The following GRM6 variants were observed in gnomAD, a reference collection of about 807,000 sequenced individuals.
GRM6 encodes the protein glutamate metabotropic receptor 6, also known as metabotropic glutamate receptor 6.
In GRM6, 73 loss-of-function variants were observed where a neutral mutation model predicts 78.4. That is an observed-to-expected ratio of 0.93 (90% CI 0.77 to 1.13). The LOEUF is 1.13. GRM6 is among the 50% of genes most tolerant of loss of function. GRM6 has a pLI of 0.00. For missense variants in GRM6, 1,251 were observed against 1,256.4 expected, an observed-to-expected ratio of 1.00 and a Z score of 0.07; for synonymous variants, 580 against 555.0, an observed-to-expected ratio of 1.05 and a Z score of -0.63.
chr5:178,988,536 G>A lies in GRM6; in HGVS notation c.1354+399C>T, dbSNP rs558170190. ...GGTCAGACCCACGCCTGTGCCTGGCGCATGACTCAGAGTGGGCGGCATGTC... is the reference window on the plus strand; with the variant it reads ...GGTCAGACCCACGCCTGTGCCTGGCACATGACTCAGAGTGGGCGGCATGTC... On this transcript the variant is annotated intron_variant, in intron 7 of 10. Coordinates refer to ENST00000517717, the MANE Select transcript of GRM6 (RefSeq NM_000843.4). This position sits in a 1 kb window ranked among gnomAD's most constrained non-coding sequence, Gnocchi z 6.0. 5.3e-5 allele frequency among the ~76,000 whole-genome samples: 8 copies of A among 152,278 alleles called. No homozygotes were observed. In the East Asian group the frequency reaches 7.7e-4, roughly 15 times the overall value.
chr5:178,984,659 G>A (rs1281934454), intron 9 of GRM6, among the ~76,000 whole-genome samples: 3 of 152,172 alleles, frequency 2.0e-5, no homozygotes, highest in African/African-American at 7.2e-5. Flanking sequence ...CACCTTCTCA[G>A]GATGTGCGGC....
chr5:178,994,753 C>A lies in GRM6; in HGVS notation c.192G>T (p.Gln64His). The change falls in exon 2 of 11, where the codon CAG (glutamine) becomes CAT (histidine). Residue 64 changes from glutamine to histidine, a missense_variant. By Grantham distance (24) the Gln-to-His change is conservative. Coordinates refer to ENST00000517717, the MANE Select transcript of GRM6 (RefSeq NM_000843.4). ...GCATGGCCTCCAGCCGGTGCACGCCCTGCTCCTTCTTCAGCTGCCCGCACG... is the reference window on the plus strand; with the variant it reads ...GCATGGCCTCCAGCCGGTGCACGCCATGCTCCTTCTTCAGCTGCCCGCACG... Reference protein sequence around the residue: ...GRACGQLKKEQGVHRLEAMLY... With the variant: ...GRACGQLKKEHGVHRLEAMLY... The A allele has an allele frequency of 7.1e-7, 1 of 1,417,096 alleles. No individual in the cohort carries two copies. Among genetic ancestry groups the A allele is most frequent in the African/African-American group, 1.5e-5 (1 of 67,314 alleles). The allele number at this position is 1,417,096 out of a possible 1,614,324, so 87.8% of individuals were successfully genotyped here. A position where few individuals can be genotyped will look rare whatever the true frequency, so the allele number is the denominator to read the frequency against.
Position 178,994,703 on chromosome 5 carries a change from G to T in GRM6, c.242C>A (p.Ala81Asp). The stretch of plus-strand genomic sequence containing the variant: ...CACGCCGGGCAGCAGCTCGGGGTCG[G>T]CGTTGACGCGGTCCAGCGCGTACAG... Reference protein sequence around the residue: ...AMLYALDRVNADPELLPGVRL... With the variant: ...AMLYALDRVNDDPELLPGVRL... Residue 81 changes from alanine (A) to aspartate (D), a missense_variant, in exon 2 of 11, where the codon GCC (alanine) becomes GAC (aspartate). Physicochemically the swap from Ala to Asp is moderately radical, Grantham distance 126. Transcript: ENST00000517717. The T allele has an allele frequency of 6.8e-7, 1 of 1,469,424 alleles. No individual in the cohort carries two copies. Among genetic ancestry groups the T allele is most frequent in the Non-Finnish European group, 9.0e-7 (1 of 1,113,310 alleles). 91.0% of individuals were successfully genotyped at this position (1,469,424 alleles called of 1,614,324 possible). A position where few individuals can be genotyped will look rare whatever the true frequency, so the allele number is the denominator to read the frequency against.
rs1426832122 is a variant in GRM6 at position 178,992,799 on chromosome 5, G to C, written c.505-716C>G. Among the ~76,000 whole-genome samples the C allele has an allele frequency of 6.6e-6, 1 of 152,048 alleles. No homozygotes were observed. Among genetic ancestry groups the C allele is most frequent in the Non-Finnish European group, 1.5e-5 (1 of 68,002 alleles). ...GAAGGAGGGAGGGGGGCTGGTCCAG[G>C]GTTGTTTGAAGCAGGATAGAAAGTA... On this transcript the variant is annotated intron_variant, in intron 2 of 10. Coordinates refer to ENST00000517717, the MANE Select transcript of GRM6 (RefSeq NM_000843.4). The surrounding 1 kb of genome is among the most constrained non-coding windows in gnomAD (Gnocchi z 4.9).
At chr5:178,990,127 C>T (rs1371272754) in intron 5 of GRM6, 3 of 222,634 alleles carry the variant, frequency 1.3e-5, no homozygotes, top group East Asian at 2.1e-4. Flanking sequence ...TCAAGGTGTC[C>T]TCGGTCCAGC....
chr5:178,985,477 G>T, intron 9 of GRM6: 1 of 342,292 alleles, frequency 2.9e-6, no homozygotes, highest in Non-Finnish European at 5.7e-6. Flanking sequence ...GCCGAGGTGG[G>T]CGGATCACGA....
At chr5:178,990,255 T>G in intron 5 of GRM6, 1 of 370,232 alleles carries the variant, frequency 2.7e-6, no homozygotes. Context: ...ACCAGGATGG[T>G]ATATTCCGTA....
chr5:178,981,667 G>T lies in GRM6; in HGVS notation c.2624C>A (p.Ala875Asp), dbSNP rs200210006. ...TTCCCACCTGCCCTGCTACTTGTGG[G>T]CCTCTGCATCCTCGCCCTTGGGTGG... ...AAPPKGEDAEAHK is the reference protein window; with the variant it reads ...AAPPKGEDAEDHK Residue 875 changes from alanine to aspartate, a missense_variant, in exon 11 of 11, where the codon GCC becomes GAC. Coordinates refer to ENST00000517717, the MANE Select transcript of GRM6 (RefSeq NM_000843.4). This position sits in a 1 kb window ranked among gnomAD's most constrained non-coding sequence, Gnocchi z 5.1. 272 of 1,613,308 alleles carry T rather than the reference G, an allele frequency of 1.7e-4. 3 individuals carry two copies. In the Middle Eastern group the frequency reaches 7.6e-3, roughly 45 times the overall value.
At position 178,994,798 on chromosome 5, in the gene GRM6, C is replaced by T; in HGVS notation, c.147G>A (p.Ala49=). 2 of 1,300,342 alleles carry T rather than the reference C, an allele frequency of 1.5e-6. No individual in the cohort carries two copies. The highest frequency in any genetic ancestry group is 2.0e-6 in the Non-Finnish European group (2 of 1,021,054). 80.6% of individuals were successfully genotyped at this position (1,300,342 alleles called of 1,614,324 possible). Residue 49 remains alanine, a synonymous_variant, in exon 2 of 11, where the codon GCG becomes GCA. Transcript: ENST00000517717. ...CGCACGCCCGGCCCGCCGCGCCCCG[C>T]GCGTGCACCGGGAACAGGCCGCCCA... ...LTLGGLFPVH[A]RGAAGRACGQ...
rs940109624 is a variant in GRM6 at position 178,987,103 on chromosome 5, G to A, written c.1355-120C>T. The A allele has an allele frequency of 3.8e-6, 4 of 1,046,284 alleles. No homozygotes were observed. In the African/African-American group the frequency reaches 6.3e-5, roughly 16 times the overall value. The allele number at this position is 1,046,284 out of a possible 1,614,324, so 64.8% of individuals were successfully genotyped here. A position where few individuals can be genotyped will look rare whatever the true frequency, so the allele number is the denominator to read the frequency against. ...TTAACAAGCATCACTGCTCATAAGGGACGTGCAAATCCAAGCCGCAGGGAG... is the reference window on the plus strand; with the variant it reads ...TTAACAAGCATCACTGCTCATAAGGAACGTGCAAATCCAAGCCGCAGGGAG... On this transcript the variant is annotated intron_variant, in intron 7 of 10. Coordinates refer to ENST00000517717, the MANE Select transcript of GRM6 (RefSeq NM_000843.4).
At position 178,982,942 on chromosome 5, in the gene GRM6, T is replaced by A; in HGVS notation, c.2404A>T (p.Ile802Phe). The stretch of plus-strand genomic sequence containing the variant: ...GCTGACTGGGCAGTGCCAAAGAAGA[T>A]GGGCACGAATGCCAGCCAGATGATG... ...TCIIWLAFVP[I>F]FFGTAQSAEK... The change falls in exon 10 of 11, where the codon ATC becomes TTC. Residue 802 changes from isoleucine to phenylalanine, a missense_variant. Physicochemically the swap from Ile to Phe is conservative, Grantham distance 21. Coordinates refer to ENST00000517717, the MANE Select transcript of GRM6 (RefSeq NM_000843.4). 1.2e-6 allele frequency: 2 copies of A among 1,614,128 alleles called. No homozygotes were observed. The highest frequency in any genetic ancestry group is 1.7e-6 in the Non-Finnish European group (2 of 1,179,990).
In GRM6 at chr5:178,991,689, C is replaced by A. The variant is rs1760677883; in HGVS notation, c.722-130G>T. The A allele has an allele frequency of 1.6e-6, 2 of 1,263,572 alleles. No individual in the cohort carries two copies. The highest frequency in any genetic ancestry group is 1.7e-5 in the Admixed American group (1 of 58,902). The allele number at this position is 1,263,572 out of a possible 1,614,324, so 78.3% of individuals were successfully genotyped here. ...GTGAAGTCTGGCCTGCACCCTCCGC[C>A]AAGCCTGAGGCAGGGCTGAGTCGTC... is the stretch of plus-strand genomic sequence containing the variant. On this transcript the variant is annotated intron_variant, in intron 3 of 10. Coordinates refer to ENST00000517717, the MANE Select transcript of GRM6 (RefSeq NM_000843.4). The surrounding 1 kb of genome is among the most constrained non-coding windows in gnomAD (Gnocchi z 5.0).
intron 9 of GRM6, among the ~76,000 whole-genome samples, chr5:178,984,303 G>A (rs1301684336): frequency 2.0e-5 from 3 of 151,510 alleles, no homozygotes; most frequent in Admixed American, 6.6e-5. Flanking sequence ...CGCCTCACTC[G>A]GAACGGACTC....
rs1033187000 is a variant in GRM6 at position 178,979,263 on chromosome 5, G to A, written c.*2394C>T. 1 of 152,158 alleles carries A rather than the reference G, an allele frequency of 6.6e-6. No homozygotes were observed. Among genetic ancestry groups the A allele is most frequent in the Non-Finnish European group, 1.5e-5 (1 of 68,036 alleles). 9.4% of individuals were successfully genotyped at this position (152,158 alleles called of 1,614,324 possible). The stretch of plus-strand genomic sequence containing the variant: ...CGAAAAAATAAAATAATAACATAAA[G>A]AAATGATCACAGGCAGAAACTGTAT... On this transcript the variant is annotated 3_prime_UTR_variant, in exon 11 of 11. Coordinates refer to ENST00000517717, the MANE Select transcript of GRM6 (RefSeq NM_000843.4).
At chr5:178,984,572 G>A (rs1760471606) in intron 9 of GRM6, among the ~76,000 whole-genome samples, 2 of 152,238 alleles carry the variant, frequency 1.3e-5, no homozygotes, top group Admixed American at 6.5e-5. Flanking sequence ...GAGGAGAGCT[G>A]GGGGTCCCCA....
chr5:178,994,742 C>T lies in GRM6; in HGVS notation c.203G>A (p.Arg68Gln). 2.1e-6 allele frequency: 3 copies of T among 1,451,296 alleles called. No homozygotes were observed. The highest frequency in any genetic ancestry group is 3.1e-5 in the East Asian group (1 of 32,286). 89.9% of individuals were successfully genotyped at this position (1,451,296 alleles called of 1,614,324 possible). Residue 68 changes from arginine to glutamine, a missense_variant, in exon 2 of 11, where the codon CGG becomes CAG. Coordinates refer to ENST00000517717, the MANE Select transcript of GRM6 (RefSeq NM_000843.4). ...GQLKKEQGVH[R>Q]LEAMLYALDR... ...CAGCGCGTACAGCATGGCCTCCAGCCGGTGCACGCCCTGCTCCTTCTTCAG... is the reference window on the plus strand; with the variant it reads ...CAGCGCGTACAGCATGGCCTCCAGCTGGTGCACGCCCTGCTCCTTCTTCAG...
At chr5:178,995,094 GT>G in intron 1 of GRM6, 134 bp from the exon 2 acceptor site, 1 of 368,134 alleles carries the variant, frequency 2.7e-6, no homozygotes, top group Non-Finnish European at 4.0e-6. Flanking sequence ...GCTCTGGGGA[GT>G]TAGCTCAGCC....
In GRM6 at chr5:178,994,741, C is replaced by T. The variant is rs1227399991; in HGVS notation, c.204G>A (p.Arg68=). 1 of 1,451,392 alleles carries T rather than the reference C, an allele frequency of 6.9e-7. No individual in the cohort carries two copies. 89.9% of individuals were successfully genotyped at this position (1,451,392 alleles called of 1,614,324 possible). ...CCAGCGCGTACAGCATGGCCTCCAG[C>T]CGGTGCACGCCCTGCTCCTTCTTCA... ...GQLKKEQGVH[R]LEAMLYALDR... Residue 68 remains arginine (R), a synonymous_variant, in exon 2 of 11, where the codon CGG becomes CGA. Coordinates refer to ENST00000517717, the MANE Select transcript of GRM6 (RefSeq NM_000843.4).
In GRM6 at chr5:178,991,310, CG is replaced by C; in HGVS notation, c.857+113del. The C allele has an allele frequency of 7.7e-6, 8 of 1,039,058 alleles. No individual in the cohort carries two copies. The highest frequency in any genetic ancestry group is 1.2e-5 in the Non-Finnish European group (8 of 670,416). 64.4% of individuals were successfully genotyped at this position (1,039,058 alleles called of 1,614,324 possible). A position where few individuals can be genotyped will look rare whatever the true frequency, so the allele number is the denominator to read the frequency against. On this transcript the variant is annotated intron_variant, in intron 4 of 10. Transcript: ENST00000517717. This position sits in a 1 kb window ranked among gnomAD's most constrained non-coding sequence, Gnocchi z 5.0. ...GCAGCAGCAGGGAAGGTGGGGGGTG[CG>C]GGGAGCAGGGGAAAGGGAGGCAGGG...
Sources: gnomAD v4.1 joint callset for allele counts (sites outside exome capture counted in the v4.1 genomes callset) on GRCh38, gnomAD v4.1.1 for gene constraint, Gnocchi (gnomAD v3.1) non-coding constraint, MANE v1.5 for transcripts, NCBI Gene and HGNC (gene_info 2026-07-23, HGNC 2026-07-21) for gene names.